The following CLCA2 variants were observed in gnomAD, a reference collection of about 807,000 sequenced individuals.
CLCA2 encodes the protein calcium-activated chloride channel regulator 2.
Under a neutral mutation model 82.9 loss-of-function variants are expected in CLCA2, and 85 were observed. The observed-to-expected ratio is 1.03, with a 90% confidence interval of 0.86 to 1.23. CLCA2 has a LOEUF of 1.23. Among genes scored for constraint, CLCA2 ranks in the 50% most tolerant of loss-of-function variants. CLCA2 has a pLI of 0.00. For synonymous variants in CLCA2, 421 were observed against 391.7 expected (o/e 1.07, Z -0.88); for missense variants, 1,089 against 1,124.8 (o/e 0.97, Z 0.45).
intron 2 of CLCA2, 36 bp from the exon 3 acceptor site, chr1:86,428,382 C>A (rs756430791): frequency 3.2e-6 from 5 of 1,554,430 alleles, no homozygotes; most frequent in Admixed American, 1.9e-5. Flanking sequence ...AACAACAGAG[C>A]TGAGAAAGTA....
rs755466524 is a variant in CLCA2 at position 86,447,606 on chromosome 1, A to G, written c.1812A>G (p.Pro604=). The G allele has an allele frequency of 6.2e-7, 1 of 1,614,098 alleles. No individual in the cohort carries two copies. The highest frequency in any genetic ancestry group is 2.2e-5 in the East Asian group (1 of 44,872). Residue 604 remains proline (P), a synonymous_variant, in exon 11 of 14, where the codon CCA becomes CCG. Coordinates refer to ENST00000370565, the MANE Select transcript of CLCA2 (RefSeq NM_006536.7). ...TSRASNSAVP[P]ATVEAFVERD... is the part of the protein sequence containing the mutation. The stretch of plus-strand genomic sequence containing the variant: ...GCGCCTCCAACTCAGCTGTGCCCCC[A>G]GCCACTGTGGAAGCCTTTGTGGAAA...
chr1:86,448,748 T>G (rs1000886646), intron 11 of CLCA2, among the ~76,000 whole-genome samples: 14 of 152,266 alleles, frequency 9.2e-5, no homozygotes, highest in African/African-American at 3.4e-4. Flanking sequence ...GGGTTTTGGT[T>G]CAAGTCCACC....
intron 6 of CLCA2, among the ~76,000 whole-genome samples, chr1:86,437,800 G>T (rs929239330): frequency 6.7e-6 from 1 of 149,454 alleles, no homozygotes; most frequent in Non-Finnish European, 1.5e-5. Context: ...TAGAGATCAA[G>T]ATTGGGAGTG....
rs191164171 is a variant in CLCA2 at position 86,440,224 on chromosome 1, G to T, written c.1280G>T (p.Gly427Val). ...LVTSGDDKLL[G>V]NCLPTVLSSG... ...ACCAGCGGAGATGATAAGCTTCTTGGCAATTGCTTACCCACTGTGCTCAGC... is the reference window on the plus strand; with the variant it reads ...ACCAGCGGAGATGATAAGCTTCTTGTCAATTGCTTACCCACTGTGCTCAGC... Residue 427 changes from glycine (G) to valine (V), a missense_variant, in exon 8 of 14, where the codon GGC becomes GTC. Transcript: ENST00000370565. The T allele has an allele frequency of 1.9e-6, 3 of 1,614,054 alleles. No homozygotes were observed. The highest frequency in any genetic ancestry group is 1.7e-5 in the Admixed American group (1 of 60,002).
At chr1:86,430,002 T>C (rs187088993) in intron 3 of CLCA2, among the ~76,000 whole-genome samples, 3 of 152,290 alleles carry the variant, frequency 2.0e-5, no homozygotes, top group Non-Finnish European at 2.9e-5. Flanking sequence ...CTTGGACTGC[T>C]ACCCTCCCTT....
intron 9 of CLCA2, 117 bp from the exon 10 acceptor site, chr1:86,443,670 C>T: frequency 4.0e-6 from 3 of 745,434 alleles, no homozygotes; most frequent in Non-Finnish European, 4.3e-6. Flanking sequence ...AACTACAGTA[C>T]CTGTCAGAAT....
At position 86,430,963 on chromosome 1, in the gene CLCA2, G is replaced by A. The variant is rs1662486890; in HGVS notation, c.577G>A (p.Val193Met). 3 of 1,605,736 alleles carry A rather than the reference G, an allele frequency of 1.9e-6. No individual in the cohort carries two copies. Among genetic ancestry groups the A allele is most frequent in the East Asian group, 4.5e-5 (2 of 44,712 alleles). ...CATAAATGGGCAAAATCAAATTAAA[G>A]TGACAAGGTTAGTACTTTTTTTCAT... ...FYINGQNQIK[V>M]TRCSSDITGI... Residue 193 changes from valine (V) to methionine (M), a missense_variant, in exon 4 of 14, where the codon GTG becomes ATG. Val to Met is a conservative substitution (Grantham distance 21, BLOSUM62 1). Coordinates refer to ENST00000370565, the MANE Select transcript of CLCA2 (RefSeq NM_006536.7).
In CLCA2 at chr1:86,447,636, C is replaced by T; in HGVS notation, c.1842C>T (p.Asp614=). The part of the protein sequence containing the change: ...PATVEAFVER[D]SLHFPHPVMI... Reference sequence around the variant, plus strand: ...CTGTGGAAGCCTTTGTGGAAAGAGACAGCCTCCATTTTCCTCATCCTGTGA... The same window carrying T: ...CTGTGGAAGCCTTTGTGGAAAGAGATAGCCTCCATTTTCCTCATCCTGTGA... The change falls in exon 11 of 14, where the codon GAC becomes GAT. Residue 614 remains aspartate (D), a synonymous_variant. Transcript: ENST00000370565. 1.2e-6 allele frequency: 2 copies of T among 1,614,132 alleles called. No individual in the cohort carries two copies. Among genetic ancestry groups the T allele is most frequent in the Non-Finnish European group, 1.7e-6 (2 of 1,180,024 alleles).
At chr1:86,450,790 TGGGTATGTGTGTACTGGG>T in intron 12 of CLCA2, 57 bp downstream of exon 12, 1 of 1,427,886 alleles carries the variant, frequency 7.0e-7, no homozygotes, top group South Asian at 1.6e-5. Flanking sequence ...ATATCTCTGA[TGGGTATGTGTGTACTGGG>T]GTGGCAGGGA....
At chr1:86,443,406 G>A in intron 9 of CLCA2, among the ~76,000 whole-genome samples, 1 of 152,104 alleles carries the variant, frequency 6.6e-6, no homozygotes, top group African/African-American at 2.4e-5. Context: ...AAAGGATCTG[G>A]ACAGATTATA....
chr1:86,438,989 C>T lies in CLCA2; in HGVS notation c.1086C>T (p.Ala362=). The change falls in exon 7 of 14, where the codon GCC becomes GCT. Residue 362 remains alanine (A), a synonymous_variant. Coordinates refer to ENST00000370565, the MANE Select transcript of CLCA2 (RefSeq NM_006536.7). ...TCGACAGCAAAGGAGAGATCAGAGCCCAGCTACACCAAATTAACAGCAATG... is the reference window on the plus strand; with the variant it reads ...TCGACAGCAAAGGAGAGATCAGAGCTCAGCTACACCAAATTAACAGCAATG... The part of the protein sequence containing the change: ...ASFDSKGEIR[A]QLHQINSNDD... The T allele has an allele frequency of 6.2e-7, 1 of 1,614,048 alleles. No homozygotes were observed.
intron 13 of CLCA2, 150 bp from the exon 14 acceptor site, chr1:86,454,935 G>T: frequency 2.1e-6 from 1 of 483,530 alleles, no homozygotes; most frequent in South Asian, 4.5e-5. Flanking sequence ...CTTGTGTAGT[G>T]TTTTAAAGTT....
At chr1:86,432,879 C>A (rs903303685) in intron 5 of CLCA2, among the ~76,000 whole-genome samples, 5 of 152,118 alleles carry the variant, frequency 3.3e-5, no homozygotes, top group African/African-American at 1.2e-4. Context: ...TTTGAAGTAG[C>A]AGACCACTCT....
At chr1:86,444,460 C>T (rs1662806978) in intron 10 of CLCA2, among the ~76,000 whole-genome samples, 1 of 152,028 alleles carries the variant, frequency 6.6e-6, no homozygotes, top group African/African-American at 2.4e-5. Flanking sequence ...GAACAGGGTA[C>T]TATCAGAACA....
At chr1:86,453,034 G>C (rs771867728) in intron 12 of CLCA2, among the ~76,000 whole-genome samples, 1 of 152,100 alleles carries the variant, frequency 6.6e-6, no homozygotes, top group Non-Finnish European at 1.5e-5. Context: ...TTAGCTGCAC[G>C]TGGTGACGGG....
chr1:86,438,998 C>A lies in CLCA2; in HGVS notation c.1095C>A (p.His365Gln). 2 of 1,614,106 alleles carry A rather than the reference C, an allele frequency of 1.2e-6. No homozygotes were observed. The highest frequency in any genetic ancestry group is 1.7e-6 in the Non-Finnish European group (2 of 1,179,996). ...DSKGEIRAQLHQINSNDDRKL... is the reference protein window; with the variant it reads ...DSKGEIRAQLQQINSNDDRKL... ...AAGGAGAGATCAGAGCCCAGCTACACCAAATTAACAGCAATGATGATCGAA... is the reference window on the plus strand; with the variant it reads ...AAGGAGAGATCAGAGCCCAGCTACAACAAATTAACAGCAATGATGATCGAA... Residue 365 changes from histidine (H) to glutamine (Q), a missense_variant, in exon 7 of 14, where the codon CAC becomes CAA. His to Gln is a conservative substitution (Grantham distance 24). Coordinates refer to ENST00000370565, the MANE Select transcript of CLCA2 (RefSeq NM_006536.7).
In CLCA2 at chr1:86,455,597, A is replaced by C. The variant is rs574087633; in HGVS notation, c.*70A>C. On this transcript the variant is annotated 3_prime_UTR_variant, in exon 14 of 14. Transcript: ENST00000370565. ...CCTTCGACTACAAAAACATACTAAC[A>C]AAGTCAAATTAACATCAAAACTGTA... 7.4e-5 allele frequency: 75 copies of C among 1,011,660 alleles called. No individual in the cohort carries two copies. The African/African-American group carries it at 1.1e-3, about 15-fold the overall frequency. The allele number at this position is 1,011,660 out of a possible 1,614,324, so 62.7% of individuals were successfully genotyped here. A position where few individuals can be genotyped will look rare whatever the true frequency, so the allele number is the denominator to read the frequency against.
intron 5 of CLCA2, among the ~76,000 whole-genome samples, chr1:86,433,899 T>A (rs1373900951): frequency 1.3e-5 from 2 of 152,182 alleles, no homozygotes; most frequent in South Asian, 4.1e-4. Context: ...TACTTAGCAA[T>A]GCAAACCATA....
At chr1:86,443,120 T>G (rs758443545) in intron 9 of CLCA2, among the ~76,000 whole-genome samples, 14 of 151,974 alleles carry the variant, frequency 9.2e-5, no homozygotes, top group Admixed American at 9.2e-4. Flanking sequence ...TCCACCTCCT[T>G]GGTTCAAGCA....
Sources: gnomAD v4.1 joint callset for allele counts (sites outside exome capture counted in the v4.1 genomes callset) on GRCh38, gnomAD v4.1.1 for gene constraint, MANE v1.5 for transcripts, NCBI Gene and HGNC (gene_info 2026-07-23, HGNC 2026-07-21) for gene names.